Variants in SPAG17 observed in about 807,000 individuals in gnomAD.
The protein encoded by SPAG17 is sperm associated antigen 17.
SPAG17 carries 169 observed loss-of-function variants against 273.6 expected under a neutral mutation model. That is an observed-to-expected ratio of 0.62 (90% confidence interval 0.55 to 0.70). SPAG17 has a LOEUF of 0.70. Among genes scored for constraint, SPAG17 ranks in the 30% least tolerant of loss-of-function variants. SPAG17 has a pLI of 0.00. For missense variants in SPAG17, 2,557 were observed against 2,627.8 expected, an observed-to-expected ratio of 0.97 and a Z score of 0.59; for synonymous variants, 825 against 873.2, an observed-to-expected ratio of 0.94 and a Z score of 0.97.
chr1:118,140,553 C>A (rs1398789567), intron 3 of SPAG17, among the ~76,000 whole-genome samples: 1 of 152,202 alleles, frequency 6.6e-6, no homozygotes, highest in Non-Finnish European at 1.5e-5. Context: ...TTCAGTCTCT[C>A]AGGCCAGAAC....
At chr1:118,156,204 T>G (rs1265205392) in intron 1 of SPAG17, among the ~76,000 whole-genome samples, 1 of 152,236 alleles carries the variant, frequency 6.6e-6, no homozygotes, top group African/African-American at 2.4e-5. Context: ...GGACCACATA[T>G]GTGGCTGTCA....
chr1:118,087,439 T>G, intron 10 of SPAG17, among the ~76,000 whole-genome samples: 1 of 152,208 alleles, frequency 6.6e-6, no homozygotes, highest in East Asian at 1.9e-4. Context: ...TCACATGTGA[T>G]CATTTAAGCC....
At chr1:117,992,983 G>A (rs1267597034) in intron 35 of SPAG17, among the ~76,000 whole-genome samples, 6 of 152,178 alleles carry the variant, frequency 3.9e-5, no homozygotes, top group Non-Finnish European at 8.8e-5. Context: ...GTATCCACAA[G>A]TAGCTGAAGA....
At chr1:117,973,901 A>T (rs2101533153) in intron 43 of SPAG17, among the ~76,000 whole-genome samples, 1 of 152,214 alleles carries the variant, frequency 6.6e-6, no homozygotes, top group East Asian at 1.9e-4. Flanking sequence ...TTTAGCTCCT[A>T]CTGAAGTGAG....
chr1:118,084,904 T>G (rs767956560), intron 13 of SPAG17, among the ~76,000 whole-genome samples: 8 of 152,242 alleles, frequency 5.3e-5, no homozygotes, highest in Non-Finnish European at 1.0e-4. Context: ...TCGATTAGAT[T>G]AATTCCAAGG....
intron 46 of SPAG17, 34 bp from the exon 47 acceptor site, chr1:117,966,787 A>G: frequency 6.4e-7 from 1 of 1,553,110 alleles, no homozygotes; most frequent in Non-Finnish European, 8.7e-7. Context: ...GGACCAGACA[A>G]CTCTGAGTTC....
At chr1:117,972,204 C>T (rs1171649332) in intron 44 of SPAG17, among the ~76,000 whole-genome samples, 157 bp from the exon 45 acceptor site, 2 of 151,900 alleles carry the variant, frequency 1.3e-5, no homozygotes, top group South Asian at 2.1e-4. Context: ...CCTGTGAGGA[C>T]GTATTTTAGG....
chr1:118,145,392 C>A (rs1658918988), intron 3 of SPAG17, among the ~76,000 whole-genome samples: 1 of 152,028 alleles, frequency 6.6e-6, no homozygotes, highest in Non-Finnish European at 1.5e-5. Flanking sequence ...TTGGAAAAGA[C>A]CTGAGAAAAA....
chr1:117,953,870 G>T lies in SPAG17; in HGVS notation c.*180C>A. ...CAAAAATGTCTTTAAATGCTTTTTG[G>T]CACTCTATTCGCACGTCTTTATTAA... On this transcript the variant is annotated 3_prime_UTR_variant, in exon 49 of 49. Transcript: ENST00000336338. 1.4e-6 allele frequency: 1 copy of T among 711,288 alleles called. No individual in the cohort carries two copies. Among genetic ancestry groups the T allele is most frequent in the South Asian group, 2.0e-5 (1 of 49,068 alleles). The allele number at this position is 711,288 out of a possible 1,614,324, so 44.1% of individuals were successfully genotyped here.
chr1:118,047,120 A>C (rs988588839), intron 20 of SPAG17, among the ~76,000 whole-genome samples: 1 of 152,160 alleles, frequency 6.6e-6, no homozygotes. Flanking sequence ...ACATTTTCTA[A>C]TTGGTTATTG....
chr1:118,131,233 T>C (rs1658035309), intron 3 of SPAG17, among the ~76,000 whole-genome samples: 1 of 152,240 alleles, frequency 6.6e-6, no homozygotes, highest in Non-Finnish European at 1.5e-5. Flanking sequence ...TTTCATTTTC[T>C]ATCACTCCAT....
intron 1 of SPAG17, among the ~76,000 whole-genome samples, chr1:118,165,645 CTTT>C (rs5777341): frequency 1.8e-5 from 2 of 108,344 alleles, no homozygotes. Flanking sequence ...AAAAAACTTT[CTTT>C]TTTTTTTTTT....
At chr1:118,165,071 C>T (rs529257700) in intron 1 of SPAG17, among the ~76,000 whole-genome samples, 19 of 152,318 alleles carry the variant, frequency 1.2e-4, no homozygotes, top group South Asian at 4.1e-4. Flanking sequence ...GTGTCCTCTG[C>T]CTGCCTATGA....
intron 1 of SPAG17, among the ~76,000 whole-genome samples, chr1:118,171,618 T>C (rs961504955): frequency 6.6e-6 from 1 of 152,180 alleles, no homozygotes; most frequent in Admixed American, 6.5e-5. Flanking sequence ...GTAAAATAAG[T>C]GCTCTTTTCA....
intron 1 of SPAG17, among the ~76,000 whole-genome samples, chr1:118,177,269 C>A (rs1450870486): frequency 6.6e-6 from 1 of 152,130 alleles, no homozygotes; most frequent in Non-Finnish European, 1.5e-5. Flanking sequence ...GAAGGAGAAG[C>A]AAAGGCACAT....
intron 42 of SPAG17, among the ~76,000 whole-genome samples, chr1:117,982,905 G>A (rs977967971): frequency 9.9e-5 from 15 of 152,030 alleles, no homozygotes; most frequent in African/African-American, 3.4e-4. Context: ...TGGGCTGGTC[G>A]TCTTATAGAA....
rs556920569 is a variant in SPAG17 at position 118,051,941 on chromosome 1, A to T, written c.2814+2061T>A. 1.1e-3 allele frequency among the ~76,000 whole-genome samples: 156 copies of T among 136,904 alleles called. 3 individuals are homozygous for T. The highest frequency in any genetic ancestry group is 4.0e-3 in the African/African-American group (149 of 37,380). 89.8% of individuals were successfully genotyped at this position (136,904 alleles called of 152,430 possible). ...CATAAACTATTATAATATATATAAT[A>T]CTATGTATACATATATTACATTATG... On this transcript the variant is annotated intron_variant, in intron 20 of 48. Transcript: ENST00000336338.
At chr1:118,028,778 CG>C (rs1440422642) in intron 25 of SPAG17, among the ~76,000 whole-genome samples, 5 of 152,012 alleles carry the variant, frequency 3.3e-5, no homozygotes, top group African/African-American at 1.2e-4. Flanking sequence ...CATCCAAACT[CG>C]TATGTTGGAA....
intron 28 of SPAG17, among the ~76,000 whole-genome samples, chr1:118,022,645 T>C (rs1647247287): frequency 6.6e-6 from 1 of 152,188 alleles, no homozygotes; most frequent in African/African-American, 2.4e-5. Context: ...TCTTGCAATT[T>C]AGATTATGGC....
Sources: allele counts gnomAD v4.1 joint callset (sites outside exome capture counted in the v4.1 genomes callset), GRCh38; gene constraint gnomAD v4.1.1; transcripts MANE v1.5; gene names NCBI Gene and HGNC (gene_info 2026-07-23, HGNC 2026-07-21).